SCART1: variants seen among roughly 807,000 people sequenced by gnomAD.
The protein encoded by SCART1 is scavenger receptor cysteine-rich domain-containing protein SCART1.
Under a neutral mutation model 36.2 loss-of-function variants are expected in SCART1, and 62 were observed. The observed-to-expected ratio is 1.71, with a 90% CI of 1.40 to 2.12. The LOEUF is 2.12. Ranked by LOEUF, SCART1 falls within the 30% of genes most tolerant of loss-of-function variation. The pLI is 0.00. For synonymous variants in SCART1, 487 were observed against 238.7 expected, an observed-to-expected ratio of 2.04 and a Z score of -9.59; for missense variants, 1,041 against 540.5, an observed-to-expected ratio of 1.93 and a Z score of -9.18.
rs1431255399 is a variant in SCART1 at position 133,468,126 on chromosome 10, G to T, written c.*158G>T. The T allele has an allele frequency of 1.5e-5, 8 of 536,032 alleles. No homozygotes were observed. The East Asian group carries it at 1.8e-4, about 12-fold the overall frequency. The allele number at this position is 536,032 out of a possible 1,614,324, so 33.2% of individuals were successfully genotyped here. ...ATCCAGTCCTTCCAGGCCCTGCCTG[G>T]CTCTAAACCTCATCCCCTTCGAGGG... is the stretch of plus-strand genomic sequence containing the variant. On this transcript the variant is annotated 3_prime_UTR_variant, in exon 12 of 12. Transcript: ENST00000640237.
exon 2 of SCART1, chr10:133,456,330 A>G (rs1213203430): frequency 1.1e-5 from 8 of 702,830 alleles, no homozygotes; most frequent in Non-Finnish European, 2.1e-5. Flanking sequence ...TACGTGTGCA[A>G]CCAGGAGTGG....
chr10:133,467,152 C>A, intron 10 of SCART1, 46 bp from the exon 11 acceptor site: 1 of 640,130 alleles, frequency 1.6e-6, no homozygotes. Context: ...CCTGTGGCCA[C>A]ATCCACACTG....
At chr10:133,466,747 A>C (rs953564989) in intron 10 of SCART1, among the ~76,000 whole-genome samples, 2 of 152,364 alleles carry the variant, frequency 1.3e-5, no homozygotes, top group South Asian at 4.1e-4. Flanking sequence ...GCATGCTCTT[A>C]TGCAAGGAAC....
At chr10:133,457,057 A>G (rs1356121253) in intron 2 of SCART1, 3 of 572,782 alleles carry the variant, frequency 5.2e-6, no homozygotes, top group Non-Finnish European at 9.2e-6. Context: ...CCCAGTGTGA[A>G]CGGATCCTGC....
intron 2 of SCART1, 24 bp downstream of exon 2, chr10:133,456,578 A>G (rs1438997054): frequency 6.3e-6 from 4 of 639,926 alleles, no homozygotes; most frequent in Admixed American, 2.2e-5. Context: ...AGTGAAGGGG[A>G]CGGGGCTGAG....
intron 1 of SCART1, among the ~76,000 whole-genome samples, 190 bp from the exon 2 acceptor site, chr10:133,456,047 C>T (rs1416372066): frequency 2.0e-5 from 3 of 151,992 alleles, no homozygotes; most frequent in Non-Finnish European, 2.9e-5. Context: ...GAGTAGCCCC[C>T]GGGGAGACAC....
In SCART1 at chr10:133,457,466, G is replaced by A. The variant is rs1447483266; in HGVS notation, c.573G>A (p.Arg191=). 1.3e-5 allele frequency: 9 copies of A among 702,600 alleles called. No homozygotes were observed. In the East Asian group the frequency reaches 2.1e-4, roughly 17 times the overall value. The allele number at this position is 702,600 out of a possible 1,614,324, so 43.5% of individuals were successfully genotyped here. A position where few individuals can be genotyped will look rare whatever the true frequency, so the allele number is the denominator to read the frequency against. Residue 191 remains arginine, a synonymous_variant, in exon 3 of 12, where the codon AGG becomes AGA. Coordinates refer to ENST00000640237, the Ensembl canonical transcript of SCART1. ...CCCGCCGGGACGTGGGCGTCGTCAGGAAGTACCTGGCCTGCAGGGGTACCG... is the reference window on the plus strand; with the variant it reads ...CCCGCCGGGACGTGGGCGTCGTCAGAAAGTACCTGGCCTGCAGGGGTACCG...
At position 133,464,890 on chromosome 10, in the gene SCART1, C is replaced by T. The variant is rs187552572; in HGVS notation, c.2254C>T (p.Leu752Phe). ...GCCCTTCCCACCCATGGCACCCGCA[C>T]TCTTGCGACCTTCGAGAGCAGGTCT... Residue 752 changes from leucine to phenylalanine, a missense_variant, in exon 7 of 12, where the codon CTC becomes TTC. Transcript: ENST00000640237. 30 of 702,956 alleles carry T rather than the reference C, an allele frequency of 4.3e-5. No individual in the cohort carries two copies. In the Admixed American group the frequency reaches 6.0e-4, roughly 14 times the overall value. The allele number at this position is 702,956 out of a possible 1,614,324, so 43.5% of individuals were successfully genotyped here. A position where few individuals can be genotyped will look rare whatever the true frequency, so the allele number is the denominator to read the frequency against.
intron 6 of SCART1, among the ~76,000 whole-genome samples, chr10:133,460,462 T>C (rs996340935): frequency 8.1e-6 from 1 of 123,250 alleles, no homozygotes; most frequent in Non-Finnish European, 1.6e-5. Flanking sequence ...GAAGTTTCCA[T>C]CCGAAATTCA....
At chr10:133,467,926 A>G in exon 12 of SCART1, 2 of 699,322 alleles carry the variant, frequency 2.9e-6, no homozygotes, top group East Asian at 2.7e-5. Context: ...TTTCTCAGGG[A>G]TATGACGAGG....
intron 6 of SCART1, among the ~76,000 whole-genome samples, chr10:133,461,523 A>G (rs1202266857): frequency 6.6e-6 from 1 of 152,104 alleles, no homozygotes; most frequent in Non-Finnish European, 1.5e-5. Context: ...AGCCTTCCCT[A>G]TGCTTCTGAA....
At chr10:133,464,707 A>C in exon 7 of SCART1, 1 of 702,116 alleles carries the variant, frequency 1.4e-6, no homozygotes, top group South Asian at 1.5e-5. Flanking sequence ...CAATGCCCTG[A>C]AGGACCTCTC....
At chr10:133,466,328 T>C (rs1451909205) in exon 10 of SCART1, 2 of 703,072 alleles carry the variant, frequency 2.8e-6, no homozygotes, top group Non-Finnish European at 5.2e-6. Flanking sequence ...CTTCTCCTTC[T>C]GGGCCTCATG....
chr10:133,463,049 C>T (rs1013755452), intron 6 of SCART1, among the ~76,000 whole-genome samples: 12 of 152,138 alleles, frequency 7.9e-5, no homozygotes, highest in African/African-American at 2.7e-4. Flanking sequence ...ATTTTAAAAG[C>T]GTTATTACAG....
rs60480293 is a variant in SCART1, at chr10:133,457,877, T to A, written c.682+302T>A. The A allele has an allele frequency of 7.7e-3, 4,130 of 533,714 alleles. 137 individuals carry two copies. The highest frequency in any genetic ancestry group is 0.071 in the African/African-American group (3,707 of 52,070). 33.1% of individuals were successfully genotyped at this position (533,714 alleles called of 1,614,324 possible). ...GTGATCTCTGCATGTCTAACATGGA[T>A]CGGGGTTGGGTAGAGGTCACTTCTT... is the stretch of plus-strand genomic sequence containing the variant. On this transcript the variant is annotated intron_variant, in intron 3 of 11. Transcript: ENST00000640237.
In SCART1 at chr10:133,454,989, G is replaced by A. The variant is rs568724290; in HGVS notation, c.67+925G>A. ...TATAAAATGAAAAGCTATTCATAGCGGGCGTGGTGGCTTATGGCTGTAATC... is the reference window on the plus strand; with the variant it reads ...TATAAAATGAAAAGCTATTCATAGCAGGCGTGGTGGCTTATGGCTGTAATC... On this transcript the variant is annotated intron_variant, in intron 1 of 11. Coordinates refer to ENST00000640237, the Ensembl canonical transcript of SCART1. Among the ~76,000 whole-genome samples the A allele has an allele frequency of 1.8e-4, 28 of 152,270 alleles. 1 individual carries two copies. The highest frequency in any genetic ancestry group is 6.7e-4 in the African/African-American group (28 of 41,542).
intron 9 of SCART1, 33 bp from the exon 10 acceptor site, chr10:133,466,202 C>A: frequency 1.4e-6 from 1 of 696,296 alleles, no homozygotes. Flanking sequence ...TCCCCCCCAC[C>A]ACCCAGCTGG....
At chr10:133,459,497 C>T (rs1394035868) in exon 6 of SCART1, 1 of 648,030 alleles carries the variant, frequency 1.5e-6, no homozygotes, top group South Asian at 1.7e-5. Context: ...GTCTGGCCCA[C>T]GCCCTGCGAC....
chr10:133,454,787 G>A (rs1446385438), intron 1 of SCART1, among the ~76,000 whole-genome samples: 1 of 152,112 alleles, frequency 6.6e-6, no homozygotes. Context: ...CCCAGCGGTG[G>A]GGTGGAAGTC....
Sources: gnomAD v4.1 joint callset for allele counts (sites outside exome capture counted in the v4.1 genomes callset) on GRCh38, gnomAD v4.1.1 for gene constraint, MANE v1.5 for transcripts, NCBI Gene and HGNC (gene_info 2026-07-23, HGNC 2026-07-21) for gene names.